Variants in IGSF21 observed in about 807,000 individuals in gnomAD.
IGSF21 encodes immunoglobin superfamily member 21.
IGSF21 carries 28 observed loss-of-function variants against 46.8 expected under a neutral mutation model. That is an observed-to-expected ratio of 0.60 (90% confidence interval 0.44 to 0.82). The LOEUF (loss-of-function observed/expected upper bound fraction) is 0.82. Among genes scored for constraint, IGSF21 ranks in the 40% least tolerant of loss-of-function variants. The probability of loss-of-function intolerance (pLI) is 0.00; values close to 1 mark genes in which losing one functional copy is unlikely to be tolerated. For synonymous variants in IGSF21, 284 were observed against 273.6 expected (o/e 1.04, Z -0.38); for missense variants, 624 against 665.5 (o/e 0.94, Z 0.69).
chr1:18,271,744 A>T (rs1454620825), intron 2 of IGSF21, among the ~76,000 whole-genome samples: 2 of 152,168 alleles, frequency 1.3e-5, no homozygotes, highest in African/African-American at 4.8e-5. Context: ...CACCTGTGCC[A>T]CTTCTTAGCT....
intron 1 of IGSF21, among the ~76,000 whole-genome samples, chr1:18,195,092 C>T (rs534422549): frequency 1.3e-5 from 2 of 152,304 alleles, no homozygotes; most frequent in Admixed American, 6.5e-5. Context: ...ATGCCCTTGA[C>T]ACATGGGGAT....
chr1:18,301,699 C>T (rs555848126), intron 3 of IGSF21, among the ~76,000 whole-genome samples: 36 of 152,298 alleles, frequency 2.4e-4, no homozygotes, highest in African/African-American at 8.2e-4. Context: ...GAGACTGACA[C>T]GTGAGCTTGT....
At chr1:18,371,285 G>T (rs1390086291) in intron 6 of IGSF21, among the ~76,000 whole-genome samples, 1 of 152,188 alleles carries the variant, frequency 6.6e-6, no homozygotes, top group Non-Finnish European at 1.5e-5. Flanking sequence ...AAAACATGTT[G>T]ATCAGGCTGG....
intron 4 of IGSF21, among the ~76,000 whole-genome samples, chr1:18,342,011 T>C (rs1245518103): frequency 1.3e-5 from 2 of 152,034 alleles, no homozygotes; most frequent in African/African-American, 2.4e-5. Flanking sequence ...TTTTTCAGTA[T>C]GTTCTACTGA....
At chr1:18,330,023 C>A (rs1054020531) in intron 3 of IGSF21, among the ~76,000 whole-genome samples, 1 of 152,210 alleles carries the variant, frequency 6.6e-6, no homozygotes, top group Admixed American at 6.5e-5. Flanking sequence ...TCTCCAGAAA[C>A]CTTTGCAGTT....
chr1:18,177,634 G>T (rs2086815299), intron 1 of IGSF21, among the ~76,000 whole-genome samples: 1 of 151,532 alleles, frequency 6.6e-6, no homozygotes, highest in Non-Finnish European at 1.5e-5. Flanking sequence ...TCCTTAATTT[G>T]CATGGGTTTG....
chr1:18,208,440 G>T (rs1383978061), intron 1 of IGSF21, among the ~76,000 whole-genome samples: 1 of 138,058 alleles, frequency 7.2e-6, no homozygotes, highest in Non-Finnish European at 1.6e-5. Flanking sequence ...GGAGTGCAGT[G>T]GCGCAATCTC....
chr1:18,246,117 AT>A (rs1330648813), intron 2 of IGSF21, among the ~76,000 whole-genome samples: 1 of 152,098 alleles, frequency 6.6e-6, no homozygotes, highest in Non-Finnish European at 1.5e-5. Context: ...TCCCAGTTAT[AT>A]TTTGTTTCTC....
At chr1:18,333,758 G>A (rs2085737843) in intron 3 of IGSF21, among the ~76,000 whole-genome samples, 1 of 152,170 alleles carries the variant, frequency 6.6e-6, no homozygotes. Flanking sequence ...TTTTCACATG[G>A]TCTGACCCTA....
rs34398523 is a variant in IGSF21 at position 18,315,547 on chromosome 1, T to TGATG, written c.306-19319_306-19316dup. On this transcript the variant is annotated intron_variant, in intron 3 of 9. Coordinates refer to ENST00000251296, the MANE Select transcript of IGSF21 (RefSeq NM_032880.5). ...TAGAATTGTTGGATGAGTGGATGGATGATGGATGGATGGATGGATGGATGG... is the reference window on the plus strand; with the variant it reads ...TAGAATTGTTGGATGAGTGGATGGATGATGGATGGATGGATGGATGGATGGATGG... Among the ~76,000 whole-genome samples the TGATG allele has an allele frequency of 5.7e-3, 846 of 149,306 alleles. 4 individuals carry two copies. The highest frequency in any genetic ancestry group is 0.031 in the Middle Eastern group (9 of 288).
rs2124606482 is a variant in IGSF21, at chr1:18,335,223, C to T, written c.424+213C>T. On this transcript the variant is annotated intron_variant, in intron 4 of 9. Coordinates refer to ENST00000251296, the MANE Select transcript of IGSF21 (RefSeq NM_032880.5). The surrounding 1 kb of genome is among the most constrained non-coding windows in gnomAD (Gnocchi z 4.8). Reference sequence around the variant, plus strand: ...TGAAGTCTTGCCCCCCATGGGCCTCCCCTCAGGAGGTCCCCTTCTCAGCAC... The same window carrying T: ...TGAAGTCTTGCCCCCCATGGGCCTCTCCTCAGGAGGTCCCCTTCTCAGCAC... Among the ~76,000 whole-genome samples, 1 of 152,306 alleles carries T rather than the reference C, an allele frequency of 6.6e-6. No individual in the cohort carries two copies. The highest frequency in any genetic ancestry group is 1.9e-4 in the East Asian group (1 of 5,176).
chr1:18,140,622 T>C (rs982874087), intron 1 of IGSF21, among the ~76,000 whole-genome samples: 59 of 152,230 alleles, frequency 3.9e-4, no homozygotes, highest in African/African-American at 1.4e-3. Context: ...CTGCTCCTGC[T>C]GTGCCCTCTG....
intron 2 of IGSF21, among the ~76,000 whole-genome samples, chr1:18,288,572 C>T (rs12403521): frequency 0.087 from 13,282 of 152,304 alleles, 728 homozygotes; most frequent in South Asian, 0.13. Context: ...TCTTCCAGCA[C>T]ACCCACCACA....
chr1:18,365,751 A>G lies in IGSF21; in HGVS notation c.1015+54A>G. On this transcript the variant is annotated intron_variant, in intron 6 of 9. Coordinates refer to ENST00000251296, the MANE Select transcript of IGSF21 (RefSeq NM_032880.5). This position sits in a 1 kb window ranked among gnomAD's most constrained non-coding sequence, Gnocchi z 4.8. ...AGCCCTTGCAGACCTGGGTGTGGGGAGAGCCTTGGAATAGGGTTCCTGGGC... is the reference window on the plus strand; with the variant it reads ...AGCCCTTGCAGACCTGGGTGTGGGGGGAGCCTTGGAATAGGGTTCCTGGGC... 1.4e-6 allele frequency: 2 copies of G among 1,462,860 alleles called. No homozygotes were observed. Among genetic ancestry groups the G allele is most frequent in the Non-Finnish European group, 1.9e-6 (2 of 1,067,880 alleles). 90.6% of individuals were successfully genotyped at this position (1,462,860 alleles called of 1,614,324 possible).
chr1:18,305,758 G>T (rs2085419792), intron 3 of IGSF21, among the ~76,000 whole-genome samples: 1 of 152,244 alleles, frequency 6.6e-6, no homozygotes, highest in Non-Finnish European at 1.5e-5. Flanking sequence ...TACAAAATAT[G>T]TACCATTGCC....
intron 4 of IGSF21, among the ~76,000 whole-genome samples, chr1:18,341,615 GTAC>G (rs2085842631): frequency 6.6e-6 from 1 of 152,162 alleles, no homozygotes; most frequent in Non-Finnish European, 1.5e-5. Flanking sequence ...TGCAAGGTGA[GTAC>G]TATCACTTTC....
intron 2 of IGSF21, among the ~76,000 whole-genome samples, chr1:18,252,013 G>A (rs2084846160): frequency 6.8e-6 from 1 of 146,436 alleles, no homozygotes; most frequent in South Asian, 2.2e-4. Flanking sequence ...ATTTCACAAG[G>A]TCAATAGGCT....
intron 1 of IGSF21, among the ~76,000 whole-genome samples, chr1:18,132,753 C>T (rs1353147042): frequency 6.6e-6 from 1 of 152,106 alleles, no homozygotes; most frequent in Non-Finnish European, 1.5e-5. Flanking sequence ...TGGGGGACCG[C>T]TGCTGGGTTT....
At chr1:18,219,229 G>T (rs537377224) in intron 1 of IGSF21, among the ~76,000 whole-genome samples, 11 of 152,334 alleles carry the variant, frequency 7.2e-5, no homozygotes, top group African/African-American at 2.6e-4. Flanking sequence ...AGTCGCAAGA[G>T]TCTTCTCCAA....
Sources: allele counts gnomAD v4.1 joint callset (sites outside exome capture counted in the v4.1 genomes callset), GRCh38; gene constraint gnomAD v4.1.1; non-coding constraint Gnocchi (gnomAD v3.1); transcripts MANE v1.5; gene names NCBI Gene and HGNC (gene_info 2026-07-23, HGNC 2026-07-21).